Variants in ASTN1 observed in about 807,000 individuals in gnomAD.
ASTN1 encodes the protein astrotactin-1.
Under a neutral mutation model 140.7 loss-of-function variants are expected in ASTN1, and 41 were observed. The ratio of observed to expected loss-of-function variants is 0.29; its 90% CI spans 0.23 to 0.38. The LOEUF is 0.38. Ranked by LOEUF, ASTN1 falls within the 10% of genes least tolerant of loss-of-function variation. The pLI, the probability that ASTN1 is intolerant of heterozygous loss-of-function variation, is 1.00. For missense variants in ASTN1, 1,479 were observed against 1,678.8 expected (o/e 0.88, Z 2.08); for synonymous variants, 640 against 652.2 (o/e 0.98, Z 0.29).
intron 5 of ASTN1, among the ~76,000 whole-genome samples, chr1:177,029,125 G>A (rs1571675471): frequency 1.3e-5 from 2 of 152,256 alleles, no homozygotes; most frequent in Admixed American, 6.5e-5. Context: ...GGGAGGCTCG[G>A]GGTCCTGTGA....
chr1:176,983,401 CAGAT>C (rs2101884780), intron 8 of ASTN1, among the ~76,000 whole-genome samples: 1 of 152,290 alleles, frequency 6.6e-6, no homozygotes, highest in East Asian at 1.9e-4. Flanking sequence ...ACGTAAAAGA[CAGAT>C]AGGAAAAAGC....
intron 1 of ASTN1, among the ~76,000 whole-genome samples, chr1:177,134,508 T>A (rs1682089156): frequency 6.6e-6 from 1 of 152,216 alleles, no homozygotes; most frequent in South Asian, 2.1e-4. Context: ...TGGAGTGGAC[T>A]TAGGCAAAGA....
downstream of ASTN1, chr1:176,857,696 TC>T: frequency 1.9e-6 from 1 of 537,564 alleles, no homozygotes; most frequent in Admixed American, 3.5e-5. Flanking sequence ...TTTATAAGAG[TC>T]AGCACTATGT....
At chr1:177,076,265 C>A (rs113746941) in intron 1 of ASTN1, among the ~76,000 whole-genome samples, 7,375 of 112,604 alleles carry the variant, frequency 0.065, 231 homozygotes, top group Middle Eastern at 0.2. Flanking sequence ...GATGACAGAG[C>A]GAGACTATGT....
intron 2 of ASTN1, among the ~76,000 whole-genome samples, chr1:177,050,536 A>G (rs1280981922): frequency 2.6e-5 from 4 of 152,200 alleles, no homozygotes; most frequent in African/African-American, 9.6e-5. Context: ...GAAATCATAA[A>G]TAGCAAGGCA....
chr1:177,074,272 C>CT (rs1165791957), intron 1 of ASTN1, among the ~76,000 whole-genome samples: 1 of 152,176 alleles, frequency 6.6e-6, no homozygotes, highest in African/African-American at 2.4e-5. Flanking sequence ...ATTGACTTGA[C>CT]TTTTTAGTAT....
At chr1:177,043,740 G>A (rs557647374) in intron 2 of ASTN1, among the ~76,000 whole-genome samples, 19 of 152,288 alleles carry the variant, frequency 1.2e-4, no homozygotes, top group African/African-American at 4.6e-4. Flanking sequence ...GAAATTAAGG[G>A]CTGAGAGGAG....
intron 1 of ASTN1, among the ~76,000 whole-genome samples, chr1:177,116,800 T>C (rs227526): frequency 0.055 from 8,358 of 152,242 alleles, 255 homozygotes; most frequent in Admixed American, 0.065. Context: ...GCTCTCCTAA[T>C]TTTAATCCTG....
intron 15 of ASTN1, 95 bp downstream of exon 15, chr1:176,936,171 C>T: frequency 9.3e-7 from 1 of 1,073,724 alleles, no homozygotes; most frequent in Non-Finnish European, 1.4e-6. Flanking sequence ...ACATTTTAGG[C>T]TGCATCTTCG....
chr1:177,052,904 G>T (rs1458492744), intron 2 of ASTN1, among the ~76,000 whole-genome samples: 1 of 152,214 alleles, frequency 6.6e-6, no homozygotes, highest in Non-Finnish European at 1.5e-5. Flanking sequence ...AGATACACTT[G>T]CCTTAAATCC....
chr1:177,139,575 G>C (rs1682368152), intron 1 of ASTN1, among the ~76,000 whole-genome samples: 2 of 152,170 alleles, frequency 1.3e-5, no homozygotes, highest in African/African-American at 4.8e-5. Context: ...AAATGCTTGA[G>C]AACTTTGAAA....
At chr1:176,928,405 G>C (rs1338491379) in intron 16 of ASTN1, among the ~76,000 whole-genome samples, 2 of 152,228 alleles carry the variant, frequency 1.3e-5, no homozygotes, top group Non-Finnish European at 1.5e-5. Context: ...GGTAAATACT[G>C]TCAAGTCTAT....
intron 1 of ASTN1, among the ~76,000 whole-genome samples, chr1:177,158,865 C>T (rs920037851): frequency 6.7e-6 from 1 of 150,034 alleles, no homozygotes; most frequent in Non-Finnish European, 1.5e-5. Flanking sequence ...CGAGTCCAGC[C>T]TGGCCAACAT....
intron 16 of ASTN1, among the ~76,000 whole-genome samples, chr1:176,930,194 G>A (rs567927894): frequency 6.6e-6 from 1 of 152,290 alleles, no homozygotes; most frequent in East Asian, 1.9e-4. Flanking sequence ...GGTTGAATGT[G>A]GAGAGTAAAG....
intron 16 of ASTN1, among the ~76,000 whole-genome samples, chr1:176,909,198 G>A (rs1211461538): frequency 6.6e-6 from 1 of 152,220 alleles, no homozygotes; most frequent in Non-Finnish European, 1.5e-5. Context: ...CAGGCCTGGA[G>A]CCACACAGTC....
Position 176,894,829 on chromosome 1 carries a change from G to T in ASTN1, c.2673C>A (p.Gly891=). The change falls in exon 17 of 23, where the codon GGC becomes GGA. Residue 891 remains glycine (G), a splice_region_variant and synonymous_variant. Transcript: ENST00000361833. ...LWLEYEDISK[G]NSPSDESEER... is the part of the protein sequence containing the mutation. The stretch of plus-strand genomic sequence containing the variant: ...CCTCAGACTCATCTGATGGGGAGTT[G>T]CCTGCAGACACAAAATGGAAAGAAA... The T allele has an allele frequency of 1.9e-6, 3 of 1,613,520 alleles. No homozygotes were observed. Among genetic ancestry groups the T allele is most frequent in the Non-Finnish European group, 2.5e-6 (3 of 1,180,038 alleles).
chr1:177,115,153 A>G (rs1022782891), intron 1 of ASTN1, among the ~76,000 whole-genome samples: 1 of 152,168 alleles, frequency 6.6e-6, no homozygotes, highest in Non-Finnish European at 1.5e-5. Flanking sequence ...ACAAGGATAC[A>G]TATCAGATAA....
At chr1:177,064,131 A>T (rs942191428) in intron 1 of ASTN1, among the ~76,000 whole-genome samples, 1 of 152,114 alleles carries the variant, frequency 6.6e-6, no homozygotes, top group Admixed American at 6.6e-5. Flanking sequence ...GCTGATGTGG[A>T]TGAACAATTT....
Position 176,863,051 on chromosome 1 carries a change from G to A in ASTN1, c.*1233C>T. Reference sequence around the variant, plus strand: ...AAAGGCTGGGCTTCCTGTTGGCTGGGCCACCATTCATGACCATGCCAATGC... The same window carrying A: ...AAAGGCTGGGCTTCCTGTTGGCTGGACCACCATTCATGACCATGCCAATGC... On this transcript the variant is annotated 3_prime_UTR_variant, in exon 23 of 23. Transcript: ENST00000361833. 7 of 985,642 alleles carry A rather than the reference G, an allele frequency of 7.1e-6. No individual in the cohort carries two copies. Among genetic ancestry groups the A allele is most frequent in the Non-Finnish European group, 8.4e-6 (7 of 829,946 alleles). The allele number at this position is 985,642 out of a possible 1,614,324, so 61.1% of individuals were successfully genotyped here.
Sources: gnomAD v4.1 joint callset for allele counts (sites outside exome capture counted in the v4.1 genomes callset) on GRCh38, gnomAD v4.1.1 for gene constraint, MANE v1.5 for transcripts, NCBI Gene and HGNC (gene_info 2026-07-23, HGNC 2026-07-21) for gene names.